The following CUX1 variants were observed in gnomAD, a reference collection of about 807,000 sequenced individuals.
The protein encoded by CUX1 is cut like homeobox 1.
In CUX1, 31 loss-of-function variants were observed where a neutral mutation model predicts 158.8. The observed-to-expected ratio is 0.20, with a 90% CI of 0.15 to 0.26. The LOEUF (loss-of-function observed/expected upper bound fraction) is 0.26, where lower values mean the gene tolerates loss of function less well. CUX1 is among the 10% of genes least tolerant of loss of function. The pLI, the probability that CUX1 is intolerant of heterozygous loss-of-function variation, is 1.00. For missense variants in CUX1, 1,589 were observed against 2,014.6 expected, an observed-to-expected ratio of 0.79 and a Z score of 4.04; for synonymous variants, 879 against 862.1, an observed-to-expected ratio of 1.02 and a Z score of -0.34.
intron 2 of CUX1, among the ~76,000 whole-genome samples, chr7:101,998,646 A>G (rs772509059): frequency 1.2e-4 from 19 of 152,148 alleles, no homozygotes; most frequent in East Asian, 1.9e-4. Context: ...CCTGATTTCA[A>G]TCTTTCTGAA....
At chr7:102,265,356 CA>C (rs34123323) in intron 14 of CUX1, among the ~76,000 whole-genome samples, 66 of 141,172 alleles carry the variant, frequency 4.7e-4, no homozygotes, top group Non-Finnish European at 3.4e-4. Flanking sequence ...AAATCTGTCT[CA>C]AAAAAAAAAA....
At chr7:102,208,646 CT>C (rs2132112476) in intron 20 of CUX1, among the ~76,000 whole-genome samples, 1 of 152,324 alleles carries the variant, frequency 6.6e-6, no homozygotes, top group East Asian at 1.9e-4. Context: ...GACTGTGTCT[CT>C]GTGGAAGCTT....
At chr7:102,093,842 T>C (rs1828909557) in intron 4 of CUX1, among the ~76,000 whole-genome samples, 1 of 152,148 alleles carries the variant, frequency 6.6e-6, no homozygotes, top group Non-Finnish European at 1.5e-5. Context: ...GCGTGTTGAA[T>C]CGGAGGAGGA....
chr7:102,123,747 C>T (rs538738647), intron 8 of CUX1, among the ~76,000 whole-genome samples: 1 of 152,026 alleles, frequency 6.6e-6, no homozygotes, highest in African/African-American at 2.4e-5. Context: ...ACTACAACTT[C>T]TACCTCCCGG....
chr7:102,246,444 A>G (rs1554536936), intron 23 of CUX1, among the ~76,000 whole-genome samples: 3 of 152,186 alleles, frequency 2.0e-5, no homozygotes, highest in African/African-American at 7.2e-5. Flanking sequence ...ATAACTCCAT[A>G]GCAGATTCAC....
At chr7:102,048,809 A>C (rs933654853) in intron 3 of CUX1, among the ~76,000 whole-genome samples, 1 of 152,214 alleles carries the variant, frequency 6.6e-6, no homozygotes, top group African/African-American at 2.4e-5. Flanking sequence ...AGCCTGGGCA[A>C]CAGAGCGAGA....
Position 102,280,669 on chromosome 7 carries a change from A to C in CUX1, c.1765-135A>C, listed in dbSNP as rs115108965. ...TGCACCCAGGGAAGCCCCTGGCAGC[A>C]CCCTGGCAGCCCCCTGGGGGTCTGC... On this transcript the variant is annotated intron_variant, in intron 19 of 22. Transcript: ENST00000292538. 4.7e-3 allele frequency: 3,653 copies of C among 785,044 alleles called. 92 individuals carry two copies. The African/African-American group carries it at 0.056, about 12-fold the overall frequency. 48.6% of individuals were successfully genotyped at this position (785,044 alleles called of 1,614,324 possible).
At chr7:102,106,471 C>T (rs1271281032) in intron 6 of CUX1, among the ~76,000 whole-genome samples, 2 of 152,136 alleles carry the variant, frequency 1.3e-5, no homozygotes, top group Non-Finnish European at 2.9e-5. Flanking sequence ...AAATTGAAGA[C>T]TAGCTAAAAC....
intron 11 of CUX1, among the ~76,000 whole-genome samples, chr7:102,184,594 TTTC>T (rs1311963952): frequency 1.3e-5 from 2 of 152,230 alleles, no homozygotes; most frequent in Non-Finnish European, 2.9e-5. Flanking sequence ...CACTTGGCCT[TTTC>T]TTACCTGTCT....
At chr7:101,833,190 C>G (rs1227260864) in intron 1 of CUX1, among the ~76,000 whole-genome samples, 6 of 150,754 alleles carry the variant, frequency 4.0e-5, no homozygotes, top group Non-Finnish European at 7.4e-5. Flanking sequence ...CTTGAGAGCC[C>G]AGGAGTTCAA....
At chr7:102,023,850 G>A (rs1449162898) in intron 2 of CUX1, among the ~76,000 whole-genome samples, 7 of 152,118 alleles carry the variant, frequency 4.6e-5, no homozygotes, top group East Asian at 3.9e-4. Context: ...GTGTGCGTGC[G>A]TGAGTGTGTG....
intron 1 of CUX1, among the ~76,000 whole-genome samples, chr7:101,842,388 T>C (rs1319063356): frequency 6.6e-6 from 1 of 152,252 alleles, no homozygotes; most frequent in Non-Finnish European, 1.5e-5. Context: ...CATAGTTTTT[T>C]TTCTTCTTTC....
intron 2 of CUX1, among the ~76,000 whole-genome samples, chr7:101,968,895 ACTC>A (rs1271616215): frequency 1.3e-5 from 2 of 151,602 alleles, no homozygotes; most frequent in Admixed American, 1.3e-4. Flanking sequence ...GGCTCCCTGA[ACTC>A]CTCTCTCCAC....
intron 2 of CUX1, among the ~76,000 whole-genome samples, chr7:102,002,270 A>AGCCTGG (rs1235659031): frequency 2.0e-5 from 3 of 152,246 alleles, no homozygotes. Flanking sequence ...ACTGCACTCC[A>AGCCTGG]GCCTGGGCCT....
intron 9 of CUX1, among the ~76,000 whole-genome samples, chr7:102,168,923 C>CTTTTTTTTTTTT (rs1191271149): frequency 8.9e-5 from 4 of 45,034 alleles, no homozygotes; most frequent in African/African-American, 6.4e-4. Flanking sequence ...ATTTTCTTTT[C>CTTTTTTTTTTTT]TTTTCTTTTA....
intron 6 of CUX1, among the ~76,000 whole-genome samples, chr7:102,108,384 C>CACG (rs1830579668): frequency 6.6e-6 from 1 of 152,154 alleles, no homozygotes; most frequent in Non-Finnish European, 1.5e-5. Flanking sequence ...CTTGCTCTGT[C>CACG]ACCCAGGCTG....
intron 2 of CUX1, among the ~76,000 whole-genome samples, chr7:101,918,323 C>G (rs1804484596): frequency 6.6e-6 from 1 of 152,254 alleles, no homozygotes; most frequent in Admixed American, 6.5e-5. Context: ...TGGCCTTAAA[C>G]TTGGCGTTTT....
intron 10 of CUX1, among the ~76,000 whole-genome samples, chr7:102,174,223 A>G (rs576840561): frequency 4.6e-5 from 7 of 152,024 alleles, no homozygotes; most frequent in African/African-American, 1.7e-4. Context: ...GGTTTAACCA[A>G]TTCTCCTGTC....
intron 1 of CUX1, among the ~76,000 whole-genome samples, chr7:101,883,949 A>C (rs921254889): frequency 2.0e-5 from 3 of 151,762 alleles, no homozygotes; most frequent in Non-Finnish European, 1.5e-5. Flanking sequence ...GCTGGACTGC[A>C]GTGGTGCAAT....
Sources: gnomAD v4.1 joint callset for allele counts (sites outside exome capture counted in the v4.1 genomes callset) on GRCh38, gnomAD v4.1.1 for gene constraint, MANE v1.5 for transcripts, NCBI Gene and HGNC (gene_info 2026-07-23, HGNC 2026-07-21) for gene names.